Variants in KHDRBS2 observed in about 807,000 individuals in gnomAD.
KHDRBS2 encodes KH domain-containing, RNA-binding, signal transduction-associated protein 2.
KHDRBS2 carries 26 observed loss-of-function variants against 44.3 expected under a neutral mutation model. The observed-to-expected ratio is 0.59, with a 90% CI of 0.43 to 0.81. The LOEUF is 0.81. Among genes scored for constraint, KHDRBS2 ranks in the 40% least tolerant of loss-of-function variants. The probability of loss-of-function intolerance (pLI) is 0.00; values close to 1 mark genes in which losing one functional copy is unlikely to be tolerated. For synonymous variants in KHDRBS2, 194 were observed against 151.1 expected (o/e 1.28, Z -2.08); for missense variants, 476 against 433.1 (o/e 1.10, Z -0.88).
chr6:62,133,472 C>T (rs767625179), intron 2 of KHDRBS2, among the ~76,000 whole-genome samples: 4 of 152,156 alleles, frequency 2.6e-5, no homozygotes, highest in Non-Finnish European at 5.9e-5. Context: ...TCCATTAAAC[C>T]TCTTTTCCTT....
intron 8 of KHDRBS2, among the ~76,000 whole-genome samples, chr6:61,693,562 AT>A (rs1767590377): frequency 6.6e-6 from 1 of 152,194 alleles, no homozygotes. Flanking sequence ...AATACAAGTT[AT>A]TAGGTAAAAA....
chr6:61,770,422 A>T (rs1193872294), intron 6 of KHDRBS2, among the ~76,000 whole-genome samples: 1 of 152,206 alleles, frequency 6.6e-6, no homozygotes, highest in Non-Finnish European at 1.5e-5. Flanking sequence ...AACGGCAAAG[A>T]AGTTAAAAGC....
At chr6:61,624,983 G>A in the KHDRBS2 span, among the ~76,000 whole-genome samples, 26 of 152,268 alleles carry the variant, frequency 1.7e-4, no homozygotes, top group African/African-American at 5.8e-4. Flanking sequence ...CCAGAAGACA[G>A]CAGGAGAGAA....
the KHDRBS2 span, among the ~76,000 whole-genome samples, chr6:61,554,560 A>G: frequency 6.6e-6 from 1 of 151,962 alleles, no homozygotes; most frequent in Non-Finnish European, 1.5e-5. Context: ...TCATTTTGTT[A>G]GTGGGTTATT....
At chr6:62,003,147 C>T (rs1484752170) in intron 3 of KHDRBS2, among the ~76,000 whole-genome samples, 1 of 151,988 alleles carries the variant, frequency 6.6e-6, no homozygotes, top group African/African-American at 2.4e-5. Context: ...CTTAATAACA[C>T]TGTCTCCAAG....
At chr6:62,159,611 G>C (rs974769956) in intron 2 of KHDRBS2, among the ~76,000 whole-genome samples, 1 of 152,016 alleles carries the variant, frequency 6.6e-6, no homozygotes, top group African/African-American at 2.4e-5. Flanking sequence ...TCCTCACAAA[G>C]TTGAAAATCC....
intron 3 of KHDRBS2, among the ~76,000 whole-genome samples, chr6:62,011,375 G>A (rs1434743833): frequency 2.0e-5 from 3 of 152,080 alleles, no homozygotes; most frequent in Admixed American, 6.6e-5. Context: ...AATAAAAACC[G>A]AAAGTAAACA....
At chr6:61,983,238 T>TTCTTTGTTTCTTTCTTTC (rs763690404) in intron 3 of KHDRBS2, among the ~76,000 whole-genome samples, 1 of 81,038 alleles carries the variant, frequency 1.2e-5, no homozygotes, top group Non-Finnish European at 2.6e-5. Context: ...CTTTCTTTCT[T>TTCTTTGTTTCTTTCTTTC]TTTTTTTTTT....
the KHDRBS2 span, among the ~76,000 whole-genome samples, chr6:61,585,642 G>A: frequency 1.3e-5 from 2 of 152,026 alleles, no homozygotes; most frequent in Non-Finnish European, 2.9e-5. Flanking sequence ...AAATGTGCTT[G>A]AGTCATCAAA....
At chr6:61,981,296 T>A (rs1773790705) in intron 3 of KHDRBS2, among the ~76,000 whole-genome samples, 1 of 152,234 alleles carries the variant, frequency 6.6e-6, no homozygotes, top group Non-Finnish European at 1.5e-5. Flanking sequence ...CTTGGATTAC[T>A]GGTCTGCCCT....
chr6:61,651,599 T>C, the KHDRBS2 span, among the ~76,000 whole-genome samples: 1 of 152,030 alleles, frequency 6.6e-6, no homozygotes, highest in Non-Finnish European at 1.5e-5. Flanking sequence ...ATTTTACAAA[T>C]GAAAAAACAG....
intron 3 of KHDRBS2, among the ~76,000 whole-genome samples, chr6:62,014,413 G>A (rs971493926): frequency 2.6e-5 from 4 of 152,098 alleles, no homozygotes; most frequent in African/African-American, 9.6e-5. Context: ...TTTATCAAAG[G>A]ACTCCCACAA....
At chr6:62,215,351 T>C (rs1829806562) in intron 1 of KHDRBS2, among the ~76,000 whole-genome samples, 1 of 151,752 alleles carries the variant, frequency 6.6e-6, no homozygotes. Context: ...ACCTTTCCTA[T>C]GGGAGAGTAG....
chr6:62,072,504 A>C (rs1256010212), intron 2 of KHDRBS2, among the ~76,000 whole-genome samples: 1 of 152,158 alleles, frequency 6.6e-6, no homozygotes, highest in Non-Finnish European at 1.5e-5. Context: ...TATTATTTTG[A>C]GATACATCTC....
intron 6 of KHDRBS2, among the ~76,000 whole-genome samples, chr6:61,753,304 G>A (rs1302538052): frequency 6.6e-6 from 1 of 152,158 alleles, no homozygotes; most frequent in Non-Finnish European, 1.5e-5. Flanking sequence ...AATGAGAGAA[G>A]AAAGCTTCTT....
the KHDRBS2 span, among the ~76,000 whole-genome samples, chr6:61,670,815 A>G: frequency 2.0e-5 from 3 of 151,656 alleles, no homozygotes; most frequent in Non-Finnish European, 4.4e-5. Flanking sequence ...TTATTTTTCC[A>G]TTTTCATTAA....
rs373515274 is a variant in KHDRBS2, at chr6:61,697,311, A to T, written c.894-58T>A. ...TATAACCAGGAAATTCAACCCAGAA[A>T]CTCATATGGAATTTGAAGGCAAAAT... On this transcript the variant is annotated intron_variant, in intron 7 of 8. Coordinates refer to ENST00000281156, the MANE Select transcript of KHDRBS2 (RefSeq NM_152688.4). The T allele has an allele frequency of 9.3e-5, 102 of 1,101,848 alleles. 1 individual carries two copies. The African/African-American group carries it at 1.4e-3, about 16-fold the overall frequency. The allele number at this position is 1,101,848 out of a possible 1,614,324, so 68.3% of individuals were successfully genotyped here.
chr6:61,795,634 G>A (rs1045197453), intron 6 of KHDRBS2, among the ~76,000 whole-genome samples: 2 of 152,002 alleles, frequency 1.3e-5, no homozygotes, highest in African/African-American at 4.8e-5. Context: ...TTCATGGCAG[G>A]TTTTACTTGC....
chr6:61,669,720 T>A, the KHDRBS2 span, among the ~76,000 whole-genome samples: 1 of 151,094 alleles, frequency 6.6e-6, no homozygotes, highest in Non-Finnish European at 1.5e-5. Context: ...CTCATAATTC[T>A]ATGAGTATGT....
Sources: gnomAD v4.1 joint callset for allele counts (sites outside exome capture counted in the v4.1 genomes callset) on GRCh38, gnomAD v4.1.1 for gene constraint, MANE v1.5 for transcripts, NCBI Gene and HGNC (gene_info 2026-07-23, HGNC 2026-07-21) for gene names.